ARHGAP6: variants seen among roughly 807,000 people sequenced by gnomAD.
ARHGAP6 encodes Rho GTPase activating protein 6, also known as rho GTPase-activating protein 6.
In ARHGAP6, 16 loss-of-function variants were observed where a neutral mutation model predicts 55.7. The observed-to-expected ratio is 0.29, with a 90% CI of 0.19 to 0.44. The LOEUF (loss-of-function observed/expected upper bound fraction) is 0.44. ARHGAP6 is among the 20% of genes least tolerant of loss of function. The probability of loss-of-function intolerance (pLI) is 1.00; values close to 1 mark genes in which losing one functional copy is unlikely to be tolerated. For missense variants in ARHGAP6, 698 were observed against 808.9 expected (o/e 0.86, Z 1.66); for synonymous variants, 382 against 360.9 (o/e 1.06, Z -0.66).
At chrX:11,453,789 T>C (rs1199330628) in intron 1 of ARHGAP6, among the ~76,000 whole-genome samples, 1 of 111,945 alleles carries the variant, frequency 8.9e-6, no homozygotes, top group Non-Finnish European at 1.9e-5. Flanking sequence ...CAAAGTAGCC[T>C]GCAAACATAC....
chrX:11,304,353 G>T (rs1242253957), intron 1 of ARHGAP6, among the ~76,000 whole-genome samples: 2 of 111,217 alleles, frequency 1.8e-5, no homozygotes, highest in Non-Finnish European at 3.8e-5. Context: ...GCCTCCCAAA[G>T]TGCTAGGATT....
At chrX:11,545,514 T>C (rs1485292663) in intron 1 of ARHGAP6, among the ~76,000 whole-genome samples, 1 of 112,330 alleles carries the variant, frequency 8.9e-6, no homozygotes. Context: ...AGATAAACTA[T>C]GACTCTCAGA....
chrX:11,343,794 T>C (rs879140554), intron 1 of ARHGAP6, among the ~76,000 whole-genome samples: 16 of 111,938 alleles, frequency 1.4e-4, no homozygotes, highest in Non-Finnish European at 1.9e-4. Context: ...GGATAATACA[T>C]ACAGAGCAAT....
At chrX:11,528,362 C>T (rs1569384063) in intron 1 of ARHGAP6, among the ~76,000 whole-genome samples, 2 of 112,104 alleles carry the variant, frequency 1.8e-5, no homozygotes, top group Admixed American at 9.5e-5. Context: ...GGAGATGAAG[C>T]CCTGCTAGTG....
intron 1 of ARHGAP6, among the ~76,000 whole-genome samples, chrX:11,373,004 C>A (rs1277778419): frequency 9.2e-6 from 1 of 108,716 alleles, no homozygotes; most frequent in Non-Finnish European, 1.9e-5. Context: ...AAAAATTATT[C>A]ATACAAATCC....
chrX:11,484,240 G>A (rs2050487877), intron 1 of ARHGAP6, among the ~76,000 whole-genome samples: 1 of 110,343 alleles, frequency 9.1e-6, no homozygotes, highest in Non-Finnish European at 1.9e-5. Context: ...GCCCTGGTAT[G>A]TGCAGCAGCT....
intron 1 of ARHGAP6, among the ~76,000 whole-genome samples, chrX:11,369,736 T>C (rs1238177753): frequency 8.9e-6 from 1 of 112,264 alleles, no homozygotes; most frequent in Non-Finnish European, 1.9e-5. Context: ...AGTTATCAAG[T>C]GTAGTTTGAA....
intron 1 of ARHGAP6, among the ~76,000 whole-genome samples, chrX:11,344,881 G>C (rs1341716664): frequency 1.8e-5 from 2 of 110,578 alleles, no homozygotes; most frequent in Non-Finnish European, 3.8e-5. Flanking sequence ...ACCTGGGAGA[G>C]AGCTGTAATA....
chrX:11,508,787 T>C (rs112259443), intron 1 of ARHGAP6, among the ~76,000 whole-genome samples: 9,255 of 108,027 alleles, frequency 0.086, 486 homozygotes, highest in East Asian at 0.18. Flanking sequence ...AGCTTCCTCG[T>C]CTCTTCACTA....
At chrX:11,207,406 T>C (rs1029519730) in intron 2 of ARHGAP6, among the ~76,000 whole-genome samples, 6 of 112,086 alleles carry the variant, frequency 5.4e-5, no homozygotes, top group Non-Finnish European at 9.4e-5. Context: ...GTTTGTTTGT[T>C]TCACTACATG....
At chrX:11,526,219 T>C (rs2050987546) in intron 1 of ARHGAP6, among the ~76,000 whole-genome samples, 1 of 111,104 alleles carries the variant, frequency 9.0e-6, no homozygotes. Context: ...ACTTAGTCCT[T>C]CTGGGGGCCT....
chrX:11,174,556 TCC>T lies in ARHGAP6; in HGVS notation c.1629+3542_1629+3543del, dbSNP rs1177930662. Reference sequence around the variant, plus strand: ...TTCCTTCCTTCCTTCCTTCCTTCCTTCCTTCCTTCCTTCCTTCCTTTCTTTCT... The same window carrying T: ...TTCCTTCCTTCCTTCCTTCCTTCCTTTTCCTTCCTTCCTTCCTTTCTTTCT... On this transcript the variant is annotated intron_variant, in intron 8 of 12. Coordinates refer to ENST00000337414, the MANE Select transcript of ARHGAP6 (RefSeq NM_013427.3). Among the ~76,000 whole-genome samples the T allele has an allele frequency of 1.9e-3, 163 of 83,850 alleles. 2 individuals are homozygous for T. Among genetic ancestry groups the T allele is most frequent in the South Asian group, 0.016 (23 of 1,458 alleles). The allele number at this position is 83,850 out of a possible 115,157, so 72.8% of individuals were successfully genotyped here. A position where few individuals can be genotyped will look rare whatever the true frequency, so the allele number is the denominator to read the frequency against.
intron 1 of ARHGAP6, among the ~76,000 whole-genome samples, chrX:11,365,779 C>A (rs2049068672): frequency 8.9e-6 from 1 of 112,246 alleles, no homozygotes; most frequent in Non-Finnish European, 1.9e-5. Flanking sequence ...CTAAGGAAAG[C>A]AATTTCATCT....
In ARHGAP6 at chrX:11,156,550, C is replaced by T. The variant is rs72558045; in HGVS notation, c.1886G>A (p.Arg629Lys). 1 of 1,209,844 alleles carries T rather than the reference C, an allele frequency of 8.3e-7. No individual in the cohort carries two copies. ...TCACGATGATTGGGAAGCCTTTCTTCTGAGTAAATAGTCCACGACATCAGG... is the reference window on the plus strand; with the variant it reads ...TCACGATGATTGGGAAGCCTTTCTTTTGAGTAAATAGTCCACGACATCAGG... ...TDPDVVDYLL[R>K]RKASQSSSPD... is the part of the protein sequence containing the mutation. The change falls in exon 10 of 13, where the codon AGA becomes AAA. Residue 629 changes from arginine (R) to lysine (K), a missense_variant. This residue lies in a region of ARHGAP6 where 322 missense variants were observed against 451.1 expected (regional missense o/e 0.71). Coordinates refer to ENST00000337414, the MANE Select transcript of ARHGAP6 (RefSeq NM_013427.3).
intron 1 of ARHGAP6, among the ~76,000 whole-genome samples, chrX:11,624,079 T>C (rs1484226453): frequency 1.8e-5 from 2 of 111,903 alleles, no homozygotes; most frequent in Non-Finnish European, 3.8e-5. Context: ...CCACACTTTA[T>C]AGCCTACTCA....
intron 1 of ARHGAP6, chrX:11,265,709 C>G: frequency 2.3e-6 from 2 of 880,765 alleles, no homozygotes; most frequent in African/African-American, 4.4e-5. Flanking sequence ...TCAGCCGCGT[C>G]TTTGCTGTCC....
At chrX:11,567,351 G>C (rs372474314) in intron 1 of ARHGAP6, among the ~76,000 whole-genome samples, 6 of 109,097 alleles carry the variant, frequency 5.5e-5, no homozygotes, top group South Asian at 8.1e-4. Context: ...AATACTGAGA[G>C]ACAGTACAGA....
At position 11,369,568 on chromosome X, in the gene ARHGAP6, C is replaced by T. The variant is rs541801722; in HGVS notation, c.589-114861G>A. On this transcript the variant is annotated intron_variant, in intron 1 of 12. Transcript: ENST00000337414. Reference sequence around the variant, plus strand: ...TGTGACCTTACACAATGTATTGATCCCTCTAAAACTCAGTTTTCTTATATA... The same window carrying T: ...TGTGACCTTACACAATGTATTGATCTCTCTAAAACTCAGTTTTCTTATATA... 4.5e-5 allele frequency among the ~76,000 whole-genome samples: 5 copies of T among 111,553 alleles called. No individual in the cohort carries two copies. The South Asian group carries it at 1.9e-3, about 42-fold the overall frequency.
chrX:11,336,523 C>T (rs988056301), intron 1 of ARHGAP6, among the ~76,000 whole-genome samples: 5 of 111,792 alleles, frequency 4.5e-5, no homozygotes, highest in Non-Finnish European at 9.4e-5. Context: ...ACAAGAAGGC[C>T]TTTGCTCTGG....
Sources: allele counts gnomAD v4.1 joint callset (sites outside exome capture counted in the v4.1 genomes callset), GRCh38; gene constraint gnomAD v4.1.1; regional missense constraint gnomAD v4.1.1; transcripts MANE v1.5; gene names NCBI Gene and HGNC (gene_info 2026-07-23, HGNC 2026-07-21).